DACH1: variants seen among roughly 807,000 people sequenced by gnomAD.
DACH1 encodes the protein dachshund family transcription factor 1, also known as dachshund homolog 1.
Under a neutral mutation model 54.2 loss-of-function variants are expected in DACH1, and 12 were observed. That is an observed-to-expected ratio of 0.22 (90% CI 0.14 to 0.36). The LOEUF is 0.36. Among genes scored for constraint, DACH1 ranks in the 10% least tolerant of loss-of-function variants. The pLI is 1.00. For missense variants in DACH1, 805 were observed against 929.8 expected (o/e 0.87, Z 1.75); for synonymous variants, 386 against 366.2 (o/e 1.05, Z -0.62).
At chr13:71,854,982 A>AAAAGAATC (rs1340790221) in intron 1 of DACH1, among the ~76,000 whole-genome samples, 6 of 152,062 alleles carry the variant, frequency 3.9e-5, no homozygotes, top group African/African-American at 1.2e-4. Flanking sequence ...AGCCAACAGA[A>AAAAGAATC]AAAGAATCAA....
chr13:71,779,227 GTA>G (rs1231563725), intron 1 of DACH1, among the ~76,000 whole-genome samples: 31 of 74,150 alleles, frequency 4.2e-4, no homozygotes, highest in Non-Finnish European at 6.3e-4. Context: ...ACGTATATAC[GTA>G]TATATACACA....
At chr13:71,746,181 G>A (rs1383459591) in intron 1 of DACH1, among the ~76,000 whole-genome samples, 1 of 152,116 alleles carries the variant, frequency 6.6e-6, no homozygotes, top group Admixed American at 6.5e-5. Flanking sequence ...TTGCGCCACT[G>A]CACTCCAGCC....
At position 71,638,380 on chromosome 13, in the gene DACH1, G is replaced by T. The variant is rs1041513173; in HGVS notation, c.965-7663C>A. 7.2e-5 allele frequency among the ~76,000 whole-genome samples: 11 copies of T among 152,120 alleles called. No individual in the cohort carries two copies. The East Asian group carries it at 2.1e-3, about 29-fold the overall frequency. The stretch of plus-strand genomic sequence containing the variant: ...CATGTGGCATTAATACGCAGTCCTG[G>T]TTCCTAACCATCTGATAGGCAGATG... On this transcript the variant is annotated intron_variant, in intron 2 of 10. Transcript: ENST00000613252.
chr13:71,565,242 A>C (rs1884832948), intron 4 of DACH1, among the ~76,000 whole-genome samples: 1 of 152,164 alleles, frequency 6.6e-6, no homozygotes, highest in Admixed American at 6.5e-5. Context: ...AATTTATAAA[A>C]TTGATGAAGT....
intron 2 of DACH1, among the ~76,000 whole-genome samples, chr13:71,674,215 A>G (rs531041091): frequency 6.6e-6 from 1 of 152,184 alleles, no homozygotes; most frequent in Non-Finnish European, 1.5e-5. Flanking sequence ...TGGACTTCTC[A>G]TAATACTTAG....
chr13:71,516,847 C>CTG (rs1370880860), intron 6 of DACH1, among the ~76,000 whole-genome samples: 1 of 151,566 alleles, frequency 6.6e-6, no homozygotes, highest in Non-Finnish European at 1.5e-5. Context: ...TGTAAGTGCC[C>CTG]TACAAACATT....
intron 1 of DACH1, among the ~76,000 whole-genome samples, chr13:71,776,453 C>T (rs536081535): frequency 6.6e-6 from 1 of 152,034 alleles, no homozygotes; most frequent in African/African-American, 2.4e-5. Flanking sequence ...GGTATTATAA[C>T]TTTAGATGTT....
At chr13:71,743,295 A>G (rs991242014) in intron 1 of DACH1, among the ~76,000 whole-genome samples, 1 of 152,162 alleles carries the variant, frequency 6.6e-6, no homozygotes, top group Non-Finnish European at 1.5e-5. Context: ...GTGGGGGGAA[A>G]AGCCATGGCA....
At chr13:71,557,557 G>T (rs1884330455) in intron 5 of DACH1, among the ~76,000 whole-genome samples, 1 of 152,026 alleles carries the variant, frequency 6.6e-6, no homozygotes, top group Non-Finnish European at 1.5e-5. Flanking sequence ...CAGAATATTT[G>T]CATAGTCTTA....
chr13:71,788,032 GT>G lies in DACH1; in HGVS notation c.848+77889del, dbSNP rs567409147. ...TGACAGTTTAACTGATATTTATACA[GT>G]TTGTATAGTATATGTGAATATATAA... On this transcript the variant is annotated intron_variant, in intron 1 of 10. Transcript: ENST00000613252. Among the ~76,000 whole-genome samples, 949 of 152,270 alleles carry G rather than the reference GT, an allele frequency of 6.2e-3. 13 individuals are homozygous for G. Among genetic ancestry groups the G allele is most frequent in the African/African-American group, 0.021 (887 of 41,546 alleles).
chr13:71,479,340 T>A lies in DACH1; in HGVS notation c.1723-24A>T, dbSNP rs371694022. On this transcript the variant is annotated intron_variant, in intron 7 of 10. Transcript: ENST00000613252. The stretch of plus-strand genomic sequence containing the variant: ...CCCTGTACAAAGAAGATATTCGGAA[T>A]GGTAATATTTTAATACAAAGCAAAT... The A allele has an allele frequency of 3.1e-6, 5 of 1,594,846 alleles. No homozygotes were observed. The African/African-American group carries it at 5.4e-5, about 17-fold the overall frequency.
chr13:71,780,569 C>G (rs1033989347), intron 1 of DACH1, among the ~76,000 whole-genome samples: 7 of 151,524 alleles, frequency 4.6e-5, no homozygotes, highest in Non-Finnish European at 7.4e-5. Flanking sequence ...ACTCTTGAAC[C>G]TGGGAGACGG....
intron 6 of DACH1, among the ~76,000 whole-genome samples, chr13:71,500,741 T>A (rs1458086130): frequency 2.0e-5 from 3 of 152,162 alleles, no homozygotes; most frequent in African/African-American, 7.2e-5. Flanking sequence ...ATTCCATGAA[T>A]ATGGCCACCC....
chr13:71,865,501 G>A (rs1874674876), intron 1 of DACH1, among the ~76,000 whole-genome samples: 1 of 152,144 alleles, frequency 6.6e-6, no homozygotes, highest in South Asian at 2.1e-4. Flanking sequence ...CGGGAGGCTG[G>A]CCGTGGAACC....
intron 3 of DACH1, among the ~76,000 whole-genome samples, chr13:71,579,506 C>A (rs189366334): frequency 6.6e-6 from 1 of 152,126 alleles, no homozygotes; most frequent in African/African-American, 2.4e-5. Context: ...ACTTAATGAA[C>A]AGGCAGACAT....
intron 10 of DACH1, among the ~76,000 whole-genome samples, chr13:71,462,278 G>A (rs866743321): frequency 6.6e-6 from 1 of 151,830 alleles, no homozygotes; most frequent in Admixed American, 6.6e-5. Flanking sequence ...ACACTCTAAT[G>A]CTTCCATCTT....
chr13:71,671,096 A>C (rs1880179566), intron 2 of DACH1, among the ~76,000 whole-genome samples: 1 of 151,936 alleles, frequency 6.6e-6, no homozygotes, highest in Admixed American at 6.6e-5. Context: ...GATGATGTTT[A>C]CTGTTTAAAA....
At position 71,616,912 on chromosome 13, in the gene DACH1, G is replaced by A. The variant is rs183470329; in HGVS notation, c.1126+13644C>T. Among the ~76,000 whole-genome samples, 362 of 142,206 alleles carry A rather than the reference G, an allele frequency of 2.5e-3. 5 individuals carry two copies. Among genetic ancestry groups the A allele is most frequent in the African/African-American group, 9.2e-3 (349 of 37,796 alleles). The allele number at this position is 142,206 out of a possible 152,430, so 93.3% of individuals were successfully genotyped here. ...TTTTTTTTTTCTGAGATGGAGTTTC[G>A]CTCTTGTTGCCCAGGCTGGAGTGCA... On this transcript the variant is annotated intron_variant, in intron 3 of 10. Coordinates refer to ENST00000613252, the MANE Select transcript of DACH1 (RefSeq NM_080759.6).
intron 1 of DACH1, among the ~76,000 whole-genome samples, chr13:71,736,964 G>A (rs1278642793): frequency 1.3e-5 from 2 of 152,066 alleles, no homozygotes; most frequent in East Asian, 3.9e-4. Flanking sequence ...CTTTAAAGTT[G>A]AAGATTATAG....
Sources: gnomAD v4.1 joint callset for allele counts (sites outside exome capture counted in the v4.1 genomes callset) on GRCh38, gnomAD v4.1.1 for gene constraint, MANE v1.5 for transcripts, NCBI Gene and HGNC (gene_info 2026-07-23, HGNC 2026-07-21) for gene names.